Variants in TRUB2 observed in about 807,000 individuals in gnomAD.
TRUB2 encodes the protein TruB pseudouridine synthase family member 2, also known as pseudouridylate synthase TRUB2, mitochondrial.
Under a neutral mutation model 31.9 loss-of-function variants are expected in TRUB2, and 31 were observed. The observed-to-expected ratio is 0.97, with a 90% CI of 0.73 to 1.31. TRUB2 has a LOEUF of 1.31. Ranked by LOEUF, TRUB2 falls within the 50% of genes most tolerant of loss-of-function variation. The pLI is 0.00. For missense variants in TRUB2, 451 were observed against 439.6 expected (o/e 1.03, Z -0.23); for synonymous variants, 201 against 182.6 (o/e 1.10, Z -0.81).
Position 128,306,511 on chromosome 9 carries a change from C to G in TRUB2, c.*3039G>C, listed in dbSNP as rs1185196954. ...AGGCTGGAGTGCAGTGGCGCAATCT[C>G]CACTCACTGCAAGCTCCGCCTCCCG... On this transcript the variant is annotated 3_prime_UTR_variant, in exon 8 of 8. Coordinates refer to ENST00000372890, the MANE Select transcript of TRUB2 (RefSeq NM_015679.3). The G allele has an allele frequency of 2.7e-5, 4 of 150,328 alleles. No homozygotes were observed. The highest frequency in any genetic ancestry group is 2.7e-4 in the Admixed American group (4 of 15,062). The allele number at this position is 150,328 out of a possible 1,614,324, so 9.3% of individuals were successfully genotyped here.
At position 128,322,331 on chromosome 9, in the gene TRUB2, C is replaced by T. The variant is rs1204820863; in HGVS notation, c.78G>A (p.Leu26=). The T allele has an allele frequency of 4.3e-6, 7 of 1,614,140 alleles. No homozygotes were observed. Among genetic ancestry groups the T allele is most frequent in the African/African-American group, 1.3e-5 (1 of 75,030 alleles). The change falls in exon 1 of 8, where the codon CTG becomes CTA. Residue 26 remains leucine, a synonymous_variant. Coordinates refer to ENST00000372890, the MANE Select transcript of TRUB2 (RefSeq NM_015679.3). ...YKPPGLKWKH[L]RDTVELQLLK... ...GAAGTTGTAGCTCCACTGTATCCCG[C>T]AGGTGCTTCCATTTTAGCCCCGGGG...
At chr9:128,314,720 CAATTTTTAA>C (rs1832038483) in intron 4 of TRUB2, among the ~76,000 whole-genome samples, 3 of 152,072 alleles carry the variant, frequency 2.0e-5, no homozygotes, top group Admixed American at 2.0e-4. Context: ...AGCCCGGCCA[CAATTTTTAA>C]AATTTTTATA....
Position 128,308,165 on chromosome 9 carries a change from G to C in TRUB2, c.*1385C>G, listed in dbSNP as rs986388583. 6.6e-6 allele frequency: 1 copy of C among 151,854 alleles called. No homozygotes were observed. Among genetic ancestry groups the C allele is most frequent in the African/African-American group, 2.4e-5 (1 of 41,218 alleles). The allele number at this position is 151,854 out of a possible 1,614,324, so 9.4% of individuals were successfully genotyped here. On this transcript the variant is annotated 3_prime_UTR_variant, in exon 8 of 8. Transcript: ENST00000372890. Reference sequence around the variant, plus strand: ...GAATCGCTTGAACCTGGGAGGCAGAGGTTGCAGTGAGCTGAGATTGTGCCA... The same window carrying C: ...GAATCGCTTGAACCTGGGAGGCAGACGTTGCAGTGAGCTGAGATTGTGCCA...
chr9:128,312,232 G>A (rs1356072017), intron 5 of TRUB2, among the ~76,000 whole-genome samples: 1 of 150,882 alleles, frequency 6.6e-6, no homozygotes, highest in African/African-American at 2.4e-5. Context: ...CCGCCTCCTG[G>A]AGTCAAGCAA....
In TRUB2 at chr9:128,308,949, G is replaced by A. The variant is rs1831913908; in HGVS notation, c.*601C>T. 6.6e-6 allele frequency: 1 copy of A among 152,616 alleles called. No homozygotes were observed. The highest frequency in any genetic ancestry group is 1.9e-4 in the East Asian group (1 of 5,180). The allele number at this position is 152,616 out of a possible 1,614,324, so 9.5% of individuals were successfully genotyped here. On this transcript the variant is annotated 3_prime_UTR_variant, in exon 8 of 8. Transcript: ENST00000372890. ...CATCTGTGTCTTCCAGTATTAAAGA[G>A]GTTGAGTGTCATTTCTGGCTTACTA...
At chr9:128,319,176 A>C (rs1357403737) in intron 2 of TRUB2, among the ~76,000 whole-genome samples, 4 of 151,992 alleles carry the variant, frequency 2.6e-5, no homozygotes, top group African/African-American at 9.7e-5. Context: ...AATACAAAAA[A>C]TTAGCTGGGC....
rs2231635 is a variant in TRUB2, at chr9:128,311,597, G to A, written c.465C>T (p.His155=). 2.9e-5 allele frequency: 47 copies of A among 1,613,856 alleles called. No individual in the cohort carries two copies. Among genetic ancestry groups the A allele is most frequent in the African/African-American group, 9.3e-5 (7 of 74,900 alleles). ...GRLVEKTTYD[H]VTREKLDRIL... is the part of the protein sequence containing the mutation. ...TGCGGTCCAGCTTCTCTCTGGTCAC[G>A]TGGTCTGGAAAAGGCAGGGGGTTGT... Residue 155 remains histidine (H), a synonymous_variant, in exon 6 of 8, where the codon CAC becomes CAT. Coordinates refer to ENST00000372890, the MANE Select transcript of TRUB2 (RefSeq NM_015679.3).
In TRUB2 at chr9:128,322,247, T is replaced by C. The variant is rs928707950; in HGVS notation, c.109+53A>G. On this transcript the variant is annotated intron_variant, in intron 1 of 7. Coordinates refer to ENST00000372890, the MANE Select transcript of TRUB2 (RefSeq NM_015679.3). ...TTGGGGTAAGGACCAGAAGCGGAGATGGACTTCCAAGAGAACGAGAGCGGG... is the reference window on the plus strand; with the variant it reads ...TTGGGGTAAGGACCAGAAGCGGAGACGGACTTCCAAGAGAACGAGAGCGGG... 21 of 1,499,222 alleles carry C rather than the reference T, an allele frequency of 1.4e-5. No individual in the cohort carries two copies. In the African/African-American group the frequency reaches 1.9e-4, roughly 14 times the overall value. 92.9% of individuals were successfully genotyped at this position (1,499,222 alleles called of 1,614,324 possible).
Position 128,321,627 on chromosome 9 carries a change from G to A in TRUB2, c.213C>T (p.Ser71=), listed in dbSNP as rs1439822110. 4 of 1,614,068 alleles carry A rather than the reference G, an allele frequency of 2.5e-6. No homozygotes were observed. The highest frequency in any genetic ancestry group is 2.2e-5 in the South Asian group (2 of 91,070). The part of the protein sequence containing the change: ...EEKELTLTAT[S]VPSFINHPLV... ...GTGGATGGTTGATGAAAGAGGGTAC[G>A]CTGGTGGCTGTGAGGGTCAGCTCCT... The change falls in exon 2 of 8, where the codon AGC becomes AGT. Residue 71 remains serine, a synonymous_variant. Transcript: ENST00000372890.
Position 128,321,709 on chromosome 9 carries a change from G to C in TRUB2, c.131C>G (p.Pro44Arg), listed in dbSNP as rs1410955329. 1.2e-6 allele frequency: 2 copies of C among 1,613,240 alleles called. No individual in the cohort carries two copies. Among genetic ancestry groups the C allele is most frequent in the Non-Finnish European group, 1.7e-6 (2 of 1,179,708 alleles). Residue 44 changes from proline to arginine, a missense_variant, in exon 2 of 8, where the codon CCC (proline) becomes CGC (arginine). Transcript: ENST00000372890. ...LLKGLNARKPPAPKQRVRFLL... is the reference protein window; with the variant it reads ...LLKGLNARKPRAPKQRVRFLL... ...GAAGCGAACACGCTGTTTAGGAGCG[G>C]GAGGCTTCCTGGCATTGAGACCTGA...
At chr9:128,320,494 G>A (rs1832146145) in intron 2 of TRUB2, among the ~76,000 whole-genome samples, 1 of 151,956 alleles carries the variant, frequency 6.6e-6, no homozygotes, top group African/African-American at 2.4e-5. Flanking sequence ...CACCACACCT[G>A]TCTAATTTTG....
intron 5 of TRUB2, 122 bp downstream of exon 5, chr9:128,313,686 C>T: frequency 2.3e-6 from 2 of 859,920 alleles, no homozygotes; most frequent in Non-Finnish European, 3.8e-6. Context: ...GTGGCCAAAG[C>T]CTCAGCCCAA....
At position 128,311,015 on chromosome 9, in the gene TRUB2, T is replaced by C. The variant is rs201977030; in HGVS notation, c.542A>G (p.Asn181Ser). ...SHQKALVMYS[N>S]LDLKTQEAYE... Reference sequence around the variant, plus strand: ...GGCCTCCTGGGTCTTCAGGTCGAGGTTGGAGTACCTGCAGATCAGGAAGGG... The same window carrying C: ...GGCCTCCTGGGTCTTCAGGTCGAGGCTGGAGTACCTGCAGATCAGGAAGGG... The change falls in exon 7 of 8, where the codon AAC becomes AGC. Residue 181 changes from asparagine (N) to serine (S), a missense_variant. Coordinates refer to ENST00000372890, the MANE Select transcript of TRUB2 (RefSeq NM_015679.3). 8.7e-6 allele frequency: 14 copies of C among 1,613,720 alleles called. No homozygotes were observed. In the Admixed American group the frequency reaches 1.3e-4, roughly 15 times the overall value.
rs1832124900 is a variant in TRUB2 at position 128,319,417 on chromosome 9, G to GGAGGCAGAGGTTT, written c.241+2169_241+2181dup. Among the ~76,000 whole-genome samples the GGAGGCAGAGGTTT allele has an allele frequency of 3.3e-5, 5 of 150,448 alleles. No homozygotes were observed. The South Asian group carries it at 1.1e-3, about 32-fold the overall frequency. ...TAGGTGAGAAGACTGCTTGAACTCA[G>GGAGGCAGAGGTTT]GAGGCAGAGGTTTCAGTGAGCCGAG... On this transcript the variant is annotated intron_variant, in intron 2 of 7. Transcript: ENST00000372890.
intron 3 of TRUB2, chr9:128,315,862 G>C: frequency 1.8e-6 from 1 of 543,718 alleles, no homozygotes; most frequent in South Asian, 2.0e-5. Context: ...AGGGGGCCTA[G>C]GATCCCTGCC....
Position 128,309,015 on chromosome 9 carries a change from C to G in TRUB2, c.*535G>C, listed in dbSNP as rs147516317. 1 of 153,302 alleles carries G rather than the reference C, an allele frequency of 6.5e-6. No homozygotes were observed. The highest frequency in any genetic ancestry group is 1.5e-5 in the Non-Finnish European group (1 of 68,842). 9.5% of individuals were successfully genotyped at this position (153,302 alleles called of 1,614,324 possible). A position where few individuals can be genotyped will look rare whatever the true frequency, so the allele number is the denominator to read the frequency against. On this transcript the variant is annotated 3_prime_UTR_variant, in exon 8 of 8. Coordinates refer to ENST00000372890, the MANE Select transcript of TRUB2 (RefSeq NM_015679.3). ...TCTGATACACACTTCATCTCATTTG[C>G]CTAATTTTGTCGTTGTCTTCTTATT...
chr9:128,309,281 C>A lies in TRUB2; in HGVS notation c.*269G>T. The A allele has an allele frequency of 2.2e-6, 1 of 454,778 alleles. No homozygotes were observed. The highest frequency in any genetic ancestry group is 2.0e-5 in the African/African-American group (1 of 51,252). The allele number at this position is 454,778 out of a possible 1,614,324, so 28.2% of individuals were successfully genotyped here. A position where few individuals can be genotyped will look rare whatever the true frequency, so the allele number is the denominator to read the frequency against. On this transcript the variant is annotated 3_prime_UTR_variant, in exon 8 of 8. Transcript: ENST00000372890. ...GGCTCAAGCAATTCTCCTGCCTCAGCCTTGGGAGTAGCTGGGATTACAAGT... is the reference window on the plus strand; with the variant it reads ...GGCTCAAGCAATTCTCCTGCCTCAGACTTGGGAGTAGCTGGGATTACAAGT...
intron 6 of TRUB2, chr9:128,311,325 T>A (rs549368247): frequency 1.1e-5 from 7 of 637,058 alleles, no homozygotes; most frequent in African/African-American, 9.1e-5. Context: ...AGCTTGGTTC[T>A]CTTGCTCTTC....
chr9:128,322,120 T>C (rs907209202), intron 1 of TRUB2, among the ~76,000 whole-genome samples, 180 bp downstream of exon 1: 1 of 152,148 alleles, frequency 6.6e-6, no homozygotes, highest in Admixed American at 6.5e-5. Flanking sequence ...ACTGAGTCAG[T>C]TTCCCCCTCG....
Sources: gnomAD v4.1 joint callset for allele counts (sites outside exome capture counted in the v4.1 genomes callset) on GRCh38, gnomAD v4.1.1 for gene constraint, MANE v1.5 for transcripts, NCBI Gene and HGNC (gene_info 2026-07-23, HGNC 2026-07-21) for gene names.